NAV2: variants seen among roughly 807,000 people sequenced by gnomAD.
The protein encoded by NAV2 is neuron navigator 2, also known as helicase, APC down-regulated 1.
NAV2 carries 54 observed loss-of-function variants against 223.2 expected under a neutral mutation model. That is an observed-to-expected ratio of 0.24 (90% CI 0.19 to 0.30). The LOEUF is 0.30. Among genes scored for constraint, NAV2 ranks in the 10% least tolerant of loss-of-function variants. The pLI, the probability that NAV2 is intolerant of heterozygous loss-of-function variation, is 1.00. For synonymous variants in NAV2, 1,279 were observed against 1,239.3 expected (o/e 1.03, Z -0.67); for missense variants, 2,806 against 3,147.5 (o/e 0.89, Z 2.60).
At chr11:19,476,067 T>C (rs949633639) in intron 1 of NAV2, among the ~76,000 whole-genome samples, 1 of 152,126 alleles carries the variant, frequency 6.6e-6, no homozygotes, top group Non-Finnish European at 1.5e-5. Flanking sequence ...CTCCGCCTCC[T>C]GGGTTCAAGC....
intron 1 of NAV2, among the ~76,000 whole-genome samples, chr11:19,697,208 T>C (rs142332160): frequency 3.9e-5 from 6 of 152,248 alleles, no homozygotes; most frequent in Non-Finnish European, 7.4e-5. Context: ...TTCTCACTTA[T>C]AAGAGGGAGC....
chr11:19,887,509 G>C (rs75423136), intron 5 of NAV2, among the ~76,000 whole-genome samples: 307 of 152,200 alleles, frequency 2.0e-3, no homozygotes, highest in African/African-American at 7.0e-3. Flanking sequence ...AAATGGGGTA[G>C]TCTTGCCTTG....
intron 1 of NAV2, among the ~76,000 whole-genome samples, chr11:19,673,142 T>G (rs953776249): frequency 2.6e-5 from 4 of 152,236 alleles, no homozygotes; most frequent in Non-Finnish European, 5.9e-5. Context: ...ACTTAGCATA[T>G]GCTGAGGACC....
At chr11:19,669,487 G>T (rs2048517826) in intron 1 of NAV2, among the ~76,000 whole-genome samples, 1 of 152,216 alleles carries the variant, frequency 6.6e-6, no homozygotes, top group African/African-American at 2.4e-5. Flanking sequence ...CATGGTCTGG[G>T]GATGATTAAA....
At chr11:19,835,783 T>A (rs2060192742) in intron 2 of NAV2, among the ~76,000 whole-genome samples, 1 of 151,208 alleles carries the variant, frequency 6.6e-6, no homozygotes, top group African/African-American at 2.5e-5. Context: ...ACATAAAATT[T>A]TATATATATC....
At chr11:19,774,457 G>A (rs996977036) in intron 1 of NAV2, among the ~76,000 whole-genome samples, 30 of 152,220 alleles carry the variant, frequency 2.0e-4, no homozygotes, top group African/African-American at 7.0e-4. Flanking sequence ...GATTACAGGT[G>A]TGAGCTACCG....
In NAV2 at chr11:19,432,879, A is replaced by G. The variant is rs75141089; in HGVS notation, c.75+81852A>G. On this transcript the variant is annotated intron_variant, in intron 1 of 37. Coordinates refer to the NAV2 transcript ENST00000360655. ...AGAGCTGCTGCTGTCCTCTGAGGCA[A>G]TTCTTACTTTTCAAAATGCCTCAAA... is the stretch of plus-strand genomic sequence containing the variant. Among the ~76,000 whole-genome samples, 579 of 152,254 alleles carry G rather than the reference A, an allele frequency of 3.8e-3. 3 individuals carry two copies. Among genetic ancestry groups the G allele is most frequent in the African/African-American group, 0.013 (540 of 41,558 alleles).
intron 5 of NAV2, among the ~76,000 whole-genome samples, chr11:19,880,563 G>A (rs1378730793): frequency 6.6e-6 from 1 of 152,138 alleles, no homozygotes; most frequent in African/African-American, 2.4e-5. Context: ...AATATAGAGG[G>A]CACCAAAGAA....
At chr11:19,624,737 C>T (rs569258344) in intron 1 of NAV2, among the ~76,000 whole-genome samples, 24 of 152,284 alleles carry the variant, frequency 1.6e-4, no homozygotes, top group Middle Eastern at 3.4e-3. Context: ...CTTCGGCTCA[C>T]GCTTGGTGAG....
intron 1 of NAV2, among the ~76,000 whole-genome samples, chr11:19,582,542 A>G (rs1203155826): frequency 5.9e-5 from 9 of 152,214 alleles, no homozygotes; most frequent in South Asian, 4.1e-4. Flanking sequence ...TAATTTTTGT[A>G]TAAGGTGTAA....
chr11:19,943,210 C>T (rs866555090), intron 8 of NAV2, among the ~76,000 whole-genome samples: 3 of 152,080 alleles, frequency 2.0e-5, no homozygotes, highest in African/African-American at 7.2e-5. Context: ...GGCTTATATA[C>T]ATAAAATGTG....
chr11:19,958,253 A>G (rs781368774), intron 10 of NAV2, among the ~76,000 whole-genome samples: 1 of 152,276 alleles, frequency 6.6e-6, no homozygotes, highest in Non-Finnish European at 1.5e-5. Flanking sequence ...GGCAAAAGGC[A>G]GTAAAATCCC....
chr11:19,687,613 T>C (rs1671031979), intron 1 of NAV2, among the ~76,000 whole-genome samples: 1 of 152,170 alleles, frequency 6.6e-6, no homozygotes, highest in South Asian at 2.1e-4. Flanking sequence ...AAATTATCCT[T>C]TCATCTCCAG....
At chr11:19,386,299 A>G (rs1370237803) in intron 1 of NAV2, among the ~76,000 whole-genome samples, 2 of 152,230 alleles carry the variant, frequency 1.3e-5, no homozygotes, top group Non-Finnish European at 2.9e-5. Context: ...TTTTGAAGTC[A>G]GAGAACTGGG....
exon 1 of NAV2, chr11:19,350,861 C>A: frequency 1.6e-6 from 2 of 1,252,208 alleles, no homozygotes; most frequent in South Asian, 1.3e-5. Flanking sequence ...CTCTGTCTGG[C>A]TGTTGCATGC....
chr11:20,107,512 A>G, intron 35 of NAV2, 152 bp from the exon 36 acceptor site: 1 of 658,066 alleles, frequency 1.5e-6, no homozygotes, highest in Non-Finnish European at 2.7e-6. Flanking sequence ...GCCACCATCC[A>G]GGGCTAGTAT....
At chr11:19,939,325 G>A (rs1226160370) in intron 7 of NAV2, among the ~76,000 whole-genome samples, 3 of 152,138 alleles carry the variant, frequency 2.0e-5, no homozygotes, top group African/African-American at 7.2e-5. Flanking sequence ...TTTGGCATAG[G>A]TTAAATTATT....
At chr11:19,989,082 A>T (rs1455923858) in intron 11 of NAV2, among the ~76,000 whole-genome samples, 1 of 152,204 alleles carries the variant, frequency 6.6e-6, no homozygotes, top group Admixed American at 6.5e-5. Flanking sequence ...CTCACGCTTC[A>T]TTCTAAGCCT....
intron 3 of NAV2, among the ~76,000 whole-genome samples, chr11:19,851,092 C>T (rs1202143506): frequency 6.6e-6 from 1 of 152,136 alleles, no homozygotes; most frequent in East Asian, 1.9e-4. Flanking sequence ...TCTGTATTGA[C>T]TGATTTTATC....
Sources: allele counts gnomAD v4.1 joint callset (sites outside exome capture counted in the v4.1 genomes callset), GRCh38; gene constraint gnomAD v4.1.1; transcripts MANE v1.5; gene names NCBI Gene and HGNC (gene_info 2026-07-23, HGNC 2026-07-21).